The following RUFY3 variants were observed in gnomAD, a reference collection of about 807,000 sequenced individuals.
The protein encoded by RUFY3 is protein RUFY3.
RUFY3 carries 34 observed loss-of-function variants against 84.0 expected under a neutral mutation model. The ratio of observed to expected loss-of-function variants is 0.40; its 90% CI spans 0.31 to 0.54. The LOEUF is 0.54. RUFY3 is among the 20% of genes least tolerant of loss of function. RUFY3 has a pLI of 0.39. For missense variants in RUFY3, 507 were observed against 736.8 expected, an observed-to-expected ratio of 0.69 and a Z score of 3.61; for synonymous variants, 242 against 252.9, an observed-to-expected ratio of 0.96 and a Z score of 0.41.
At chr4:70,739,533 T>C (rs571885413) in intron 1 of RUFY3, among the ~76,000 whole-genome samples, 1 of 152,248 alleles carries the variant, frequency 6.6e-6, no homozygotes, top group African/African-American at 2.4e-5. Flanking sequence ...AATAAAATTC[T>C]AAAAATTAAC....
chr4:70,785,925 A>G (rs546383634), intron 10 of RUFY3, among the ~76,000 whole-genome samples: 3 of 152,348 alleles, frequency 2.0e-5, no homozygotes, highest in Non-Finnish European at 4.4e-5. Context: ...AAATGAAATC[A>G]GTATGTCAGA....
At chr4:70,704,618 A>C, upstream of RUFY3, 1 of 191,240 alleles carries the variant, frequency 5.2e-6, no homozygotes. Context: ...GAAGGTGGGG[A>C]GTGGGAAGAG....
intron 11 of RUFY3, 61 bp from the exon 12 acceptor site, chr4:70,789,434 T>G: frequency 7.2e-7 from 1 of 1,390,154 alleles, no homozygotes; most frequent in Non-Finnish European, 1.0e-6. Flanking sequence ...TCAAAAGGCA[T>G]GTGTGGTTGT....
At chr4:70,765,758 CT>C (rs371482787) in intron 4 of RUFY3, among the ~76,000 whole-genome samples, 526 of 139,812 alleles carry the variant, frequency 3.8e-3, no homozygotes, top group East Asian at 7.7e-3. Context: ...TTGTTAATAT[CT>C]TTTTTTTTTT....
chr4:70,764,060 A>G (rs1725442780), intron 3 of RUFY3, among the ~76,000 whole-genome samples: 2 of 152,238 alleles, frequency 1.3e-5, no homozygotes, highest in African/African-American at 2.4e-5. Flanking sequence ...AGCCTGCCTT[A>G]GAACTATAAA....
chr4:70,774,742 A>G (rs1026371755), intron 6 of RUFY3, among the ~76,000 whole-genome samples: 1 of 149,604 alleles, frequency 6.7e-6, no homozygotes, highest in Non-Finnish European at 1.5e-5. Flanking sequence ...ACTTACAGAC[A>G]AATATTTAGC....
chr4:70,793,628 C>A, intron 12 of RUFY3, 157 bp from the exon 13 acceptor site: 1 of 1,489,334 alleles, frequency 6.7e-7, no homozygotes, highest in Non-Finnish European at 8.9e-7. Context: ...TCTTTTCCCC[C>A]CCATAATTTC....
At chr4:70,744,785 G>C (rs1449826704) in intron 1 of RUFY3, among the ~76,000 whole-genome samples, 1 of 151,242 alleles carries the variant, frequency 6.6e-6, no homozygotes, top group African/African-American at 2.4e-5. Context: ...CTCCTGAGTA[G>C]CTGGGACTAC....
chr4:70,800,027 A>G, intron 14 of RUFY3, 114 bp from the exon 15 acceptor site: 1 of 890,134 alleles, frequency 1.1e-6, no homozygotes. Flanking sequence ...CTTCCCTAAT[A>G]AAAAAAGCTA....
In RUFY3 at chr4:70,803,909, A is replaced by T. The variant is rs569952765; in HGVS notation, c.1651-439A>T. Among the ~76,000 whole-genome samples the T allele has an allele frequency of 5.7e-3, 811 of 142,312 alleles. 14 individuals carry two copies. The highest frequency in any genetic ancestry group is 0.02 in the African/African-American group (753 of 37,754). 93.4% of individuals were successfully genotyped at this position (142,312 alleles called of 152,430 possible). A position where few individuals can be genotyped will look rare whatever the true frequency, so the allele number is the denominator to read the frequency against. On this transcript the variant is annotated intron_variant, in intron 16 of 17. Transcript: ENST00000381006. ...AACTTTTTTTTTTTTTAATATATATATTTTTGGTAGAGATGGAGTTTTGCC... is the reference window on the plus strand; with the variant it reads ...AACTTTTTTTTTTTTTAATATATATTTTTTTGGTAGAGATGGAGTTTTGCC...
chr4:70,776,770 C>T (rs991583384), intron 7 of RUFY3, among the ~76,000 whole-genome samples: 8 of 151,260 alleles, frequency 5.3e-5, no homozygotes, highest in South Asian at 2.1e-4. Flanking sequence ...AGCGAGACTC[C>T]GTCTCAAAAC....
At chr4:70,765,534 T>C (rs910343261) in intron 4 of RUFY3, among the ~76,000 whole-genome samples, 2 of 152,152 alleles carry the variant, frequency 1.3e-5, no homozygotes, top group African/African-American at 2.4e-5. Flanking sequence ...GATTTGGAAA[T>C]GTGTGAATGT....
chr4:70,804,940 AT>A (rs1452089152), intron 17 of RUFY3, among the ~76,000 whole-genome samples: 1 of 152,172 alleles, frequency 6.6e-6, no homozygotes, highest in Non-Finnish European at 1.5e-5. Flanking sequence ...AAGTAAATAA[AT>A]AAACAAACAA....
At chr4:70,711,029 A>G (rs530684215) in intron 1 of RUFY3, among the ~76,000 whole-genome samples, 1 of 138,572 alleles carries the variant, frequency 7.2e-6, no homozygotes, top group African/African-American at 2.8e-5. Context: ...CCGCCACTAC[A>G]CTCCAGCCTG....
At position 70,800,212 on chromosome 4, in the gene RUFY3, G is replaced by C; in HGVS notation, c.1622+7G>C. 2 of 1,596,270 alleles carry C rather than the reference G, an allele frequency of 1.3e-6. No homozygotes were observed. Among genetic ancestry groups the C allele is most frequent in the Non-Finnish European group, 1.7e-6 (2 of 1,173,872 alleles). On this transcript the variant is annotated splice_region_variant and intron_variant, in intron 15 of 17. Coordinates refer to ENST00000381006, the MANE Select transcript of RUFY3 (RefSeq NM_001037442.4). ...CCCTGGAAGAAAGCCACAGGTGTTT[G>C]TTAATCAAGTATTAACTAAGATGTA...
chr4:70,791,212 T>G, intron 12 of RUFY3: 8 of 1,607,022 alleles, frequency 5.0e-6, no homozygotes, highest in Non-Finnish European at 6.8e-6. Context: ...ATTGTCATTT[T>G]TATTTTATTT....
At chr4:70,775,944 CA>C (rs11369578) in intron 7 of RUFY3, among the ~76,000 whole-genome samples, 4 of 132,256 alleles carry the variant, frequency 3.0e-5, no homozygotes, top group East Asian at 2.1e-4. Context: ...CTGTCTTAAA[CA>C]AAAAAAAAAA....
chr4:70,773,985 T>C (rs557733348), intron 6 of RUFY3, among the ~76,000 whole-genome samples: 3 of 152,208 alleles, frequency 2.0e-5, no homozygotes, highest in Non-Finnish European at 4.4e-5. Context: ...TGAAGGTACA[T>C]GGGAACTCTG....
At chr4:70,715,760 A>G (rs1262611172) in intron 1 of RUFY3, among the ~76,000 whole-genome samples, 1 of 152,182 alleles carries the variant, frequency 6.6e-6, no homozygotes, top group Non-Finnish European at 1.5e-5. Flanking sequence ...AAATTTTAGG[A>G]AGAAGTTTCT....
Sources: gnomAD v4.1 joint callset for allele counts (sites outside exome capture counted in the v4.1 genomes callset) on GRCh38, gnomAD v4.1.1 for gene constraint, MANE v1.5 for transcripts, NCBI Gene and HGNC (gene_info 2026-07-23, HGNC 2026-07-21) for gene names.